Variants in CEP250 observed in about 807,000 individuals in gnomAD.
The protein encoded by CEP250 is centrosome-associated protein CEP250.
A neutral mutation model predicts 315.7 loss-of-function variants in CEP250; 242 were observed. The observed-to-expected ratio is 0.77, with a 90% CI of 0.69 to 0.85. CEP250 has a LOEUF of 0.85. CEP250 is among the 40% of genes least tolerant of loss of function. The pLI is 0.00. For synonymous variants in CEP250, 1,088 were observed against 1,175.0 expected (o/e 0.93, Z 1.51); for missense variants, 2,515 against 2,886.4 (o/e 0.87, Z 2.95).
At chr20:35,499,978 G>C in intron 27 of CEP250, 71 bp from the exon 28 acceptor site, 1 of 1,592,126 alleles carries the variant, frequency 6.3e-7, no homozygotes, top group Admixed American at 1.7e-5. Flanking sequence ...AGAATGAGGA[G>C]AGAGCTTGAG....
chr20:35,467,661 G>C, intron 9 of CEP250, 106 bp downstream of exon 9: 2 of 1,314,546 alleles, frequency 1.5e-6, no homozygotes, highest in Non-Finnish European at 2.1e-6. Flanking sequence ...CTACCATGGA[G>C]GGGGAGAAGA....
Position 35,479,639 on chromosome 20 carries a change from C to A in CEP250, c.2289-7C>A, listed in dbSNP as rs200780994. Reference sequence around the variant, plus strand: ...TAAGAAACTCTTCTGATTCCTGAACCTCACAGCTCAGCCAAGGAGCTACTG... The same window carrying A: ...TAAGAAACTCTTCTGATTCCTGAACATCACAGCTCAGCCAAGGAGCTACTG... On this transcript the variant is annotated splice_polypyrimidine_tract_variant and splice_region_variant and intron_variant, in intron 18 of 34. Transcript: ENST00000397527. 6.9e-5 allele frequency: 112 copies of A among 1,614,008 alleles called. 1 individual carries two copies. In the African/African-American group the frequency reaches 1.2e-3, roughly 17 times the overall value.
Position 35,507,791 on chromosome 20 carries a change from A to G in CEP250, c.6690A>G (p.Pro2230=). ...TGGAGAAGGAGCGGCTACACAGCCC[A>G]GGTGCAACCAGCACAGCAGAACTGG... ...RALEKERLHS[P]GATSTAELGS... The change falls in exon 31 of 35, where the codon CCA becomes CCG. Residue 2230 remains proline (P), a synonymous_variant. Coordinates refer to ENST00000397527, the MANE Select transcript of CEP250 (RefSeq NM_007186.6). 1 of 1,568,896 alleles carries G rather than the reference A, an allele frequency of 6.4e-7. No individual in the cohort carries two copies. The highest frequency in any genetic ancestry group is 8.6e-7 in the Non-Finnish European group (1 of 1,156,822).
chr20:35,462,703 A>G, intron 4 of CEP250, 150 bp downstream of exon 4: 1 of 612,212 alleles, frequency 1.6e-6, no homozygotes, highest in Non-Finnish European at 2.8e-6. Context: ...TCTAGCTTTC[A>G]TGTACAGCTT....
chr20:35,507,729 G>T lies in CEP250; in HGVS notation c.6637-9G>T. ...AGGTGTGATTTTGCTCCATACCTCC[G>T]TACCCTAGGATGAACTGGAGCTCAC... On this transcript the variant is annotated splice_polypyrimidine_tract_variant and intron_variant, in intron 30 of 34. Coordinates refer to ENST00000397527, the MANE Select transcript of CEP250 (RefSeq NM_007186.6). 1 of 1,551,680 alleles carries T rather than the reference G, an allele frequency of 6.4e-7. No individual in the cohort carries two copies. Among genetic ancestry groups the T allele is most frequent in the South Asian group, 1.2e-5 (1 of 84,200 alleles).
intron 21 of CEP250, chr20:35,491,009 A>T (rs1032623789): frequency 1.3e-6 from 1 of 790,766 alleles, no homozygotes; most frequent in Non-Finnish European, 2.0e-6. Flanking sequence ...GAGGGCTGAC[A>T]TGTACCACAT....
At chr20:35,474,115 G>A (rs769586022) in intron 14 of CEP250, 63 bp downstream of exon 14, 84 of 1,319,648 alleles carry the variant, frequency 6.4e-5, no homozygotes, top group Non-Finnish European at 7.9e-5. Context: ...CACCCTCCCC[G>A]TCTACTCCCC....
rs148077838 is a variant in CEP250 at position 35,469,959 on chromosome 20, G to T, written c.921G>T (p.Lys307Asn). Residue 307 changes from lysine to asparagine, a missense_variant, in exon 10 of 35, where the codon AAG (lysine) becomes AAT (asparagine). Transcript: ENST00000397527. ...KQNEDYEKMI[K>N]ALRETVEILE... is the part of the protein sequence containing the mutation. The stretch of plus-strand genomic sequence containing the variant: ...ATGAAGATTATGAAAAGATGATAAA[G>T]GCTCTGAGAGAGACAGTGGAGATCC... 3 of 1,613,716 alleles carry T rather than the reference G, an allele frequency of 1.9e-6. No homozygotes were observed. The highest frequency in any genetic ancestry group is 1.3e-5 in the African/African-American group (1 of 75,006).
rs1933220972 is a variant in CEP250, at chr20:35,518,401, T to C, written c.*6775T>C. Reference sequence around the variant, plus strand: ...GAGCAGCCAAGGGGGTAGCATGCGGTGGATATTTGTTTTAGATACACAGTA... The same window carrying C: ...GAGCAGCCAAGGGGGTAGCATGCGGCGGATATTTGTTTTAGATACACAGTA... On this transcript the variant is annotated 3_prime_UTR_variant, in exon 35 of 35. Transcript: ENST00000397527. The C allele has an allele frequency of 6.6e-6, 1 of 152,064 alleles. No homozygotes were observed. The highest frequency in any genetic ancestry group is 2.4e-5 in the African/African-American group (1 of 41,402). 9.4% of individuals were successfully genotyped at this position (152,064 alleles called of 1,614,324 possible). A position where few individuals can be genotyped will look rare whatever the true frequency, so the allele number is the denominator to read the frequency against.
intron 24 of CEP250, among the ~76,000 whole-genome samples, chr20:35,496,206 G>A (rs866013647): frequency 1.8e-4 from 28 of 152,050 alleles, no homozygotes; most frequent in Admixed American, 1.8e-3. Context: ...GCATGGTGGC[G>A]CATGCCTGCA....
At chr20:35,502,286 C>A in intron 29 of CEP250, 104 bp from the exon 30 acceptor site, 1 of 1,059,574 alleles carries the variant, frequency 9.4e-7, no homozygotes, top group South Asian at 1.7e-5. Flanking sequence ...TTGCCCAAGT[C>A]CTTATCACTG....
intron 32 of CEP250, 107 bp from the exon 33 acceptor site, chr20:35,508,836 T>A (rs2064271993): frequency 9.6e-6 from 8 of 833,474 alleles, no homozygotes; most frequent in Non-Finnish European, 1.5e-5. Flanking sequence ...CCATGGTTAC[T>A]GTCCCCTCAT....
chr20:35,497,633 A>C, intron 25 of CEP250, 86 bp from the exon 26 acceptor site: 1 of 926,256 alleles, frequency 1.1e-6, no homozygotes, highest in Non-Finnish European at 1.6e-6. Flanking sequence ...GAGTTTGTAC[A>C]AGGATTGAGT....
Position 35,462,335 on chromosome 20 carries a change from T to G in CEP250, c.-33T>G. Reference sequence around the variant, plus strand: ...TGGGCGTGAACACCCTCTGGCTACCTAGGGACCTGTGGGCCTACCACCTGG... The same window carrying G: ...TGGGCGTGAACACCCTCTGGCTACCGAGGGACCTGTGGGCCTACCACCTGG... On this transcript the variant is annotated 5_prime_UTR_variant, in exon 4 of 35. It removes the in-frame stop codon of an upstream open reading frame in the 5' UTR. Coordinates refer to ENST00000397527, the MANE Select transcript of CEP250 (RefSeq NM_007186.6). 6.5e-7 allele frequency: 1 copy of G among 1,539,140 alleles called. No individual in the cohort carries two copies. The highest frequency in any genetic ancestry group is 1.2e-5 in the South Asian group (1 of 84,242).
chr20:35,473,988 G>C lies in CEP250; in HGVS notation c.1507G>C (p.Ala503Pro). 1 of 1,606,426 alleles carries C rather than the reference G, an allele frequency of 6.2e-7. No individual in the cohort carries two copies. The highest frequency in any genetic ancestry group is 1.1e-5 in the South Asian group (1 of 90,078). Residue 503 changes from alanine (A) to proline (P), a missense_variant, in exon 14 of 35, where the codon GCC becomes CCC. Ala to Pro is a conservative substitution (Grantham distance 27, BLOSUM62 -1). Coordinates refer to ENST00000397527, the MANE Select transcript of CEP250 (RefSeq NM_007186.6). ...NVELQLQGDS[A>P]QGQKEEQQEE... ...GGAGCTTCAGCTGCAGGGGGACTCTGCCCAGGGCCAGAAGGAGGAACAGCA... is the reference window on the plus strand; with the variant it reads ...GGAGCTTCAGCTGCAGGGGGACTCTCCCCAGGGCCAGAAGGAGGAACAGCA...
intron 2 of CEP250, among the ~76,000 whole-genome samples, chr20:35,459,644 C>G (rs1030124537): frequency 1.3e-5 from 2 of 150,254 alleles, no homozygotes; most frequent in African/African-American, 2.4e-5. Flanking sequence ...AAAAAAGCCT[C>G]GGTGGCACAC....
chr20:35,494,493 C>T (rs1421059968), intron 23 of CEP250, 31 bp from the exon 24 acceptor site: 1 of 1,612,450 alleles, frequency 6.2e-7, no homozygotes. Flanking sequence ...CCTGCCCTGC[C>T]ATCTTGGTCT....
At chr20:35,488,716 G>A (rs765368999) in intron 20 of CEP250, among the ~76,000 whole-genome samples, 7 of 152,042 alleles carry the variant, frequency 4.6e-5, no homozygotes, top group South Asian at 4.2e-4. Flanking sequence ...ATCCTACCTC[G>A]GCCTCGCAAA....
rs2063841667 is a variant in CEP250, at chr20:35,496,630, C to G, written c.3221C>G (p.Ala1074Gly). ...KEQRLLVLQE[A>G]DSIRQQELSA... ...CAGAGACTCCTTGTTTTACAAGAAGCTGACTCTATTCGACAACAAGAGCTG... is the reference window on the plus strand; with the variant it reads ...CAGAGACTCCTTGTTTTACAAGAAGGTGACTCTATTCGACAACAAGAGCTG... The change falls in exon 25 of 35, where the codon GCT (alanine) becomes GGT (glycine). Residue 1074 changes from alanine to glycine, a missense_variant. Transcript: ENST00000397527. The G allele has an allele frequency of 1.9e-6, 3 of 1,614,128 alleles. No individual in the cohort carries two copies. The highest frequency in any genetic ancestry group is 1.1e-5 in the South Asian group (1 of 91,086).
Sources: allele counts gnomAD v4.1 joint callset (sites outside exome capture counted in the v4.1 genomes callset), GRCh38; gene constraint gnomAD v4.1.1; transcripts MANE v1.5; gene names NCBI Gene and HGNC (gene_info 2026-07-23, HGNC 2026-07-21).